The following BTBD9 variants were observed in gnomAD, a reference collection of about 807,000 sequenced individuals.
The protein encoded by BTBD9 is BTB domain containing 9.
Under a neutral mutation model 64.3 loss-of-function variants are expected in BTBD9, and 49 were observed. That is an observed-to-expected ratio of 0.76 (90% CI 0.61 to 0.97). The LOEUF is 0.97. BTBD9 is among the 50% of genes least tolerant of loss of function. BTBD9 has a pLI of 0.00. For synonymous variants in BTBD9, 260 were observed against 274.7 expected (o/e 0.95, Z 0.53); for missense variants, 598 against 762.1 (o/e 0.78, Z 2.53).
chr6:38,303,990 C>T (rs60500173), intron 7 of BTBD9, among the ~76,000 whole-genome samples: 1 of 146,458 alleles, frequency 6.8e-6, no homozygotes, highest in Non-Finnish European at 1.5e-5. Context: ...GCATACTATT[C>T]TTTCTACTTT....
chr6:38,581,068 T>C (rs1776263532), intron 4 of BTBD9, among the ~76,000 whole-genome samples: 1 of 152,168 alleles, frequency 6.6e-6, no homozygotes, highest in Non-Finnish European at 1.5e-5. Flanking sequence ...GGCACATGCC[T>C]ATAATCCCAG....
intron 6 of BTBD9, among the ~76,000 whole-genome samples, chr6:38,400,663 C>A (rs998960803): frequency 2.0e-5 from 3 of 152,176 alleles, no homozygotes; most frequent in African/African-American, 7.2e-5. Context: ...GATACCAGCC[C>A]AGATTCCCTC....
At chr6:38,273,489 A>G (rs756058861) in intron 8 of BTBD9, among the ~76,000 whole-genome samples, 1 of 152,170 alleles carries the variant, frequency 6.6e-6, no homozygotes, top group African/African-American at 2.4e-5. Context: ...CAGTCATGCA[A>G]TTCAAAAGTA....
At position 38,295,289 on chromosome 6, in the gene BTBD9, C is replaced by T. The variant is rs554568465; in HGVS notation, c.1265-6828G>A. Among the ~76,000 whole-genome samples the T allele has an allele frequency of 3.9e-3, 591 of 152,126 alleles. 3 individuals are homozygous for T. Among genetic ancestry groups the T allele is most frequent in the African/African-American group, 0.013 (560 of 41,490 alleles). ...AAGCAATCCTCCTGCCTCAGCCTCTCGAGTAGCTGGAACCATAGGCAGGTG... is the reference window on the plus strand; with the variant it reads ...AAGCAATCCTCCTGCCTCAGCCTCTTGAGTAGCTGGAACCATAGGCAGGTG... On this transcript the variant is annotated intron_variant, in intron 7 of 10. Coordinates refer to ENST00000481247, the MANE Select transcript of BTBD9 (RefSeq NM_001099272.2).
intron 6 of BTBD9, among the ~76,000 whole-genome samples, chr6:38,478,483 T>C (rs1176184441): frequency 6.6e-6 from 1 of 152,166 alleles, no homozygotes; most frequent in Non-Finnish European, 1.5e-5. Context: ...GCAGTGAGGA[T>C]GGTGTCAAAT....
At chr6:38,397,758 G>A (rs1766744890) in intron 6 of BTBD9, among the ~76,000 whole-genome samples, 1 of 152,212 alleles carries the variant, frequency 6.6e-6, no homozygotes, top group Admixed American at 6.5e-5. Context: ...TGTGATAGGT[G>A]TTATACAGAA....
chr6:38,579,266 T>C (rs76018587), intron 5 of BTBD9, among the ~76,000 whole-genome samples: 2 of 152,178 alleles, frequency 1.3e-5, no homozygotes, highest in African/African-American at 2.4e-5. Flanking sequence ...ATAGTGGCAG[T>C]TGTGCTAACA....
At chr6:38,613,024 T>C (rs1777663148) in intron 1 of BTBD9, 1 of 152,176 alleles carries the variant, frequency 6.6e-6, no homozygotes, top group African/African-American at 2.4e-5. Flanking sequence ...CAGGGCCAAA[T>C]TGAGACGAGC....
intron 6 of BTBD9, among the ~76,000 whole-genome samples, chr6:38,462,077 G>T (rs1053744930): frequency 6.6e-6 from 1 of 151,976 alleles, no homozygotes; most frequent in Non-Finnish European, 1.5e-5. Context: ...TTAGATATAC[G>T]ATTGCAAATA....
intron 7 of BTBD9, among the ~76,000 whole-genome samples, chr6:38,301,818 A>T (rs1286689796): frequency 1.3e-5 from 2 of 152,036 alleles, no homozygotes; most frequent in Non-Finnish European, 2.9e-5. Context: ...CAGCTCCTGG[A>T]TTCATTTATT....
intron 8 of BTBD9, among the ~76,000 whole-genome samples, chr6:38,257,980 A>AT (rs1447361212): frequency 1.8e-4 from 28 of 151,758 alleles, no homozygotes; most frequent in East Asian, 1.2e-3. Context: ...TTAAAAAAAA[A>AT]ATATATATGT....
chr6:38,563,972 C>T (rs570721601), intron 6 of BTBD9, among the ~76,000 whole-genome samples: 17 of 151,658 alleles, frequency 1.1e-4, no homozygotes, highest in Non-Finnish European at 2.4e-4. Context: ...TTAGTAGAGA[C>T]GGGGTTTCAC....
chr6:38,420,457 T>C (rs1253542870), intron 6 of BTBD9, among the ~76,000 whole-genome samples: 1 of 152,218 alleles, frequency 6.6e-6, no homozygotes, highest in Non-Finnish European at 1.5e-5. Flanking sequence ...GTTTCTCACT[T>C]GTTAAATCCA....
chr6:38,264,407 G>A (rs1412553951), intron 8 of BTBD9, among the ~76,000 whole-genome samples: 1 of 152,188 alleles, frequency 6.6e-6, no homozygotes, highest in Non-Finnish European at 1.5e-5. Flanking sequence ...GTAAAGGTGA[G>A]GGAGAGAGGT....
intron 9 of BTBD9, among the ~76,000 whole-genome samples, chr6:38,200,669 AT>A (rs1762429582): frequency 6.6e-6 from 1 of 152,220 alleles, no homozygotes; most frequent in Non-Finnish European, 1.5e-5. Context: ...CCTAGAAGAA[AT>A]GGATAAACTC....
chr6:38,276,517 A>G (rs1203951205), intron 8 of BTBD9, among the ~76,000 whole-genome samples: 1 of 151,950 alleles, frequency 6.6e-6, no homozygotes. Flanking sequence ...AATAAAAAAT[A>G]AAAAAAAGAA....
At chr6:38,435,779 C>T (rs552998232) in intron 6 of BTBD9, among the ~76,000 whole-genome samples, 3 of 151,252 alleles carry the variant, frequency 2.0e-5, no homozygotes, top group East Asian at 3.9e-4. Context: ...AGCAATTCTC[C>T]GGCCTCAGCC....
intron 6 of BTBD9, among the ~76,000 whole-genome samples, chr6:38,514,935 G>C (rs1459594898): frequency 6.6e-6 from 1 of 152,074 alleles, no homozygotes; most frequent in Non-Finnish European, 1.5e-5. Flanking sequence ...AAACAGACTG[G>C]CACCAGAGCA....
intron 1 of BTBD9, among the ~76,000 whole-genome samples, chr6:38,638,147 T>C (rs1739622): frequency 0.37 from 56,681 of 152,134 alleles, 10,762 homozygotes; most frequent in African/African-American, 0.44. Flanking sequence ...CTTGCCTCTT[T>C]CAAAGAGTTC....
Sources: gnomAD v4.1 joint callset for allele counts (sites outside exome capture counted in the v4.1 genomes callset) on GRCh38, gnomAD v4.1.1 for gene constraint, MANE v1.5 for transcripts, NCBI Gene and HGNC (gene_info 2026-07-23, HGNC 2026-07-21) for gene names.